The following DMD variants were observed in gnomAD, a reference collection of about 807,000 sequenced individuals.
DMD encodes the protein dystrophin.
In DMD, 63 loss-of-function variants were observed where a neutral mutation model predicts 330.1. The ratio of observed to expected loss-of-function variants is 0.19; its 90% CI spans 0.16 to 0.24. DMD has a LOEUF of 0.24. DMD is among the 10% of genes least tolerant of loss of function. DMD has a pLI of 1.00. For missense variants in DMD, 3,344 were observed against 2,684.1 expected, an observed-to-expected ratio of 1.25 and a Z score of -5.43; for synonymous variants, 1,223 against 959.8, an observed-to-expected ratio of 1.27 and a Z score of -5.07.
chrX:31,924,671 T>C (rs1194200367), intron 47 of DMD, among the ~76,000 whole-genome samples: 1 of 112,119 alleles, frequency 8.9e-6, no homozygotes, highest in Non-Finnish European at 1.9e-5. Context: ...TTATATATGT[T>C]GTATTTGTAA....
intron 11 of DMD, among the ~76,000 whole-genome samples, chrX:32,637,133 A>C (rs1849822162): frequency 8.9e-6 from 1 of 112,246 alleles, no homozygotes; most frequent in Non-Finnish European, 1.9e-5. Flanking sequence ...AAGGACAAAT[A>C]TGAATATATC....
intron 9 of DMD, among the ~76,000 whole-genome samples, chrX:32,690,947 A>C (rs141726255): frequency 0.012 from 1,273 of 110,241 alleles, 19 homozygotes; most frequent in African/African-American, 0.04. Flanking sequence ...TTCCAAAAGC[A>C]CAAGCAATAA....
At chrX:31,431,995 G>T (rs1372332759) in intron 60 of DMD, among the ~76,000 whole-genome samples, 1 of 108,187 alleles carries the variant, frequency 9.2e-6, no homozygotes, top group Non-Finnish European at 1.9e-5. Context: ...TTGTATTTTT[G>T]ATTGAGACGG....
chrX:31,127,997 G>A (rs1169046965), intron 77 of DMD, among the ~76,000 whole-genome samples: 1 of 111,028 alleles, frequency 9.0e-6, no homozygotes, highest in Non-Finnish European at 1.9e-5. Flanking sequence ...CCAGGGAAAA[G>A]AGGGAGAAAA....
chrX:31,680,517 C>T (rs925596319), intron 52 of DMD, among the ~76,000 whole-genome samples: 11 of 109,484 alleles, frequency 1.0e-4, no homozygotes, highest in Non-Finnish European at 2.1e-4. Context: ...ACTACAGGCA[C>T]GTGCCATCAT....
At chrX:32,419,590 G>A (rs950164563) in intron 29 of DMD, among the ~76,000 whole-genome samples, 18 of 111,965 alleles carry the variant, frequency 1.6e-4, no homozygotes, top group African/African-American at 5.5e-4. Flanking sequence ...CATTATTCAC[G>A]AAAGGCTTCT....
intron 59 of DMD, among the ~76,000 whole-genome samples, chrX:31,454,911 C>T (rs1489225028): frequency 9.8e-6 from 1 of 101,687 alleles, no homozygotes; most frequent in Non-Finnish European, 2.0e-5. Context: ...ACACCACTGG[C>T]ATTGATATAT....
intron 6 of DMD, among the ~76,000 whole-genome samples, chrX:32,812,532 C>A (rs746698190): frequency 1.8e-5 from 2 of 111,949 alleles, no homozygotes; most frequent in Non-Finnish European, 3.8e-5. Context: ...ACTCAGGAGG[C>A]TGAGGCAGTA....
At chrX:32,031,978 T>C (rs1248854768) in intron 44 of DMD, among the ~76,000 whole-genome samples, 1 of 111,880 alleles carries the variant, frequency 8.9e-6, no homozygotes, top group Non-Finnish European at 1.9e-5. Flanking sequence ...CAGATAAACA[T>C]TTCGTTGCAA....
At chrX:32,384,270 A>T (rs2097943605) in intron 33 of DMD, among the ~76,000 whole-genome samples, 2 of 110,371 alleles carry the variant, frequency 1.8e-5, no homozygotes, top group South Asian at 7.5e-4. Flanking sequence ...ATCTATAAAA[A>T]TTGATAAGCA....
At chrX:31,324,045 T>C (rs2056606194) in intron 61 of DMD, among the ~76,000 whole-genome samples, 2 of 111,642 alleles carry the variant, frequency 1.8e-5, no homozygotes, top group African/African-American at 3.3e-5. Flanking sequence ...GATTTTATTA[T>C]TTCAGTAGCT....
chrX:32,893,850 C>T (rs2085449027), intron 2 of DMD, among the ~76,000 whole-genome samples: 1 of 111,304 alleles, frequency 9.0e-6, no homozygotes, highest in African/African-American at 3.3e-5. Context: ...ATGTGATAGC[C>T]TTTGGTCAAC....
At chrX:32,821,395 T>G in intron 5 of DMD, among the ~76,000 whole-genome samples, 1 of 108,366 alleles carries the variant, frequency 9.2e-6, no homozygotes, top group Middle Eastern at 4.9e-3. Context: ...CCATCCTGGC[T>G]AACACGGTGA....
At chrX:33,023,860 T>C (rs1386226653) in intron 1 of DMD, among the ~76,000 whole-genome samples, 2 of 111,602 alleles carry the variant, frequency 1.8e-5, no homozygotes, top group African/African-American at 6.5e-5. Context: ...AGAAAACTCC[T>C]ATAACCATAA....
At chrX:32,300,340 A>G (rs187409864) in intron 42 of DMD, among the ~76,000 whole-genome samples, 6 of 111,913 alleles carry the variant, frequency 5.4e-5, no homozygotes, top group African/African-American at 1.9e-4. Flanking sequence ...GTGGAATAGA[A>G]GTCCACATGC....
intron 2 of DMD, among the ~76,000 whole-genome samples, chrX:32,984,323 C>T (rs2092787714): frequency 1.8e-5 from 2 of 112,431 alleles, no homozygotes; most frequent in Non-Finnish European, 1.9e-5. Context: ...GGCGCCATCT[C>T]GGCTCACTGC....
intron 50 of DMD, among the ~76,000 whole-genome samples, chrX:31,808,228 T>C (rs143114018): frequency 0.019 from 2,179 of 111,745 alleles, 25 homozygotes; most frequent in Non-Finnish European, 0.031. Flanking sequence ...TGTGAGACCT[T>C]AGAGACCCTC....
At chrX:32,836,040 T>TG (rs1351812011) in intron 4 of DMD, among the ~76,000 whole-genome samples, 3 of 108,848 alleles carry the variant, frequency 2.8e-5, no homozygotes, top group Admixed American at 9.9e-5. Flanking sequence ...AAAAAAAAAT[T>TG]TTTTTTTTTG....
intron 54 of DMD, among the ~76,000 whole-genome samples, chrX:31,656,887 G>C (rs2080817109): frequency 1.8e-5 from 2 of 111,089 alleles, no homozygotes; most frequent in Admixed American, 9.6e-5. Flanking sequence ...CTACTGTCTG[G>C]AATTCAGGAT....
Sources: allele counts gnomAD v4.1 joint callset (sites outside exome capture counted in the v4.1 genomes callset), GRCh38; gene constraint gnomAD v4.1.1; transcripts MANE v1.5; gene names NCBI Gene and HGNC (gene_info 2026-07-23, HGNC 2026-07-21).